Variants in LNPK observed in about 807,000 individuals in gnomAD.
The protein encoded by LNPK is lunapark, ER junction formation factor.
In LNPK, 29 loss-of-function variants were observed where a neutral mutation model predicts 55.2. The observed-to-expected ratio is 0.53, with a 90% CI of 0.39 to 0.72. The LOEUF is 0.72. LNPK is among the 30% of genes least tolerant of loss of function. The pLI is 0.00. For missense variants in LNPK, 467 were observed against 494.8 expected, an observed-to-expected ratio of 0.94 and a Z score of 0.53; for synonymous variants, 162 against 168.2, an observed-to-expected ratio of 0.96 and a Z score of 0.29.
intron 9 of LNPK, among the ~76,000 whole-genome samples, chr2:175,945,666 T>G (rs1198697357): frequency 6.6e-6 from 1 of 152,184 alleles, no homozygotes; most frequent in Admixed American, 6.5e-5. Context: ...CAAATTAGAT[T>G]TGGAAAGCAT....
intron 4 of LNPK, among the ~76,000 whole-genome samples, chr2:175,989,039 T>C (rs1687570661): frequency 6.6e-6 from 1 of 152,190 alleles, no homozygotes; most frequent in African/African-American, 2.4e-5. Context: ...CCTCCCAAAG[T>C]GCTGGGATTA....
chr2:176,002,408 G>A (rs1444859353), upstream of LNPK: 1 of 342,300 alleles, frequency 2.9e-6, no homozygotes, highest in Non-Finnish European at 5.7e-6. Context: ...GGGAGGTTAG[G>A]ATCTTGTGTT....
chr2:175,969,807 T>C (rs949609954), intron 6 of LNPK, among the ~76,000 whole-genome samples: 1 of 152,212 alleles, frequency 6.6e-6, no homozygotes, highest in African/African-American at 2.4e-5. Context: ...TTTTGATAAA[T>C]ACCTCACAGG....
At chr2:175,945,773 A>T (rs1196715341) in intron 9 of LNPK, among the ~76,000 whole-genome samples, 1 of 152,212 alleles carries the variant, frequency 6.6e-6, no homozygotes, top group Non-Finnish European at 1.5e-5. Context: ...TAGATTTCAT[A>T]AAAATATCTT....
intron 9 of LNPK, among the ~76,000 whole-genome samples, 153 bp downstream of exon 9, chr2:175,947,327 T>C (rs940868008): frequency 3.3e-5 from 5 of 152,210 alleles, no homozygotes; most frequent in Admixed American, 6.5e-5. Flanking sequence ...TAAAGAGTTA[T>C]GGCTAATTGA....
intron 11 of LNPK, 56 bp downstream of exon 11, chr2:175,938,257 T>C (rs1188983042): frequency 2.8e-6 from 3 of 1,073,166 alleles, no homozygotes; most frequent in Admixed American, 3.8e-5. Context: ...GAAAATGGCA[T>C]AGAATAAAAT....
chr2:175,996,304 C>T (rs1030418791), intron 1 of LNPK, among the ~76,000 whole-genome samples: 6 of 152,124 alleles, frequency 3.9e-5, no homozygotes, highest in African/African-American at 1.4e-4. Context: ...TCATACTATA[C>T]ACTTAAATAA....
chr2:175,969,062 A>T (rs774395641), intron 6 of LNPK, among the ~76,000 whole-genome samples: 1 of 152,152 alleles, frequency 6.6e-6, no homozygotes, highest in Non-Finnish European at 1.5e-5. Flanking sequence ...CTACTCAAAC[A>T]AAGCAGCTCT....
chr2:175,932,264 T>A (rs1684313269), intron 12 of LNPK: 1 of 435,722 alleles, frequency 2.3e-6, no homozygotes, highest in Non-Finnish European at 4.6e-6. Context: ...CGATTTAATG[T>A]ACAAATTCTG....
At position 175,992,421 on chromosome 2, in the gene LNPK, G is replaced by A. The variant is rs1687747345; in HGVS notation, c.70-3C>T. On this transcript the variant is annotated splice_polypyrimidine_tract_variant and splice_region_variant and intron_variant, in intron 3 of 12. Coordinates refer to ENST00000272748, the MANE Select transcript of LNPK (RefSeq NM_030650.3). ...AATTCTTCCAATGCTTGAATTTCCT[G>A]TTAAGAGAAAATTATTCCATGTTAG... 6.8e-7 allele frequency: 1 copy of A among 1,472,450 alleles called. No individual in the cohort carries two copies. 91.2% of individuals were successfully genotyped at this position (1,472,450 alleles called of 1,614,324 possible). A position where few individuals can be genotyped will look rare whatever the true frequency, so the allele number is the denominator to read the frequency against.
At position 175,937,478 on chromosome 2, in the gene LNPK, G is replaced by T. The variant is rs1425307965; in HGVS notation, c.920C>A (p.Ala307Glu). Reference sequence around the variant, plus strand: ...TGGAGCCTGAGGTCTGGTTTTTCTTGCAGGGTTCAAGAAAAAACAGTAGGC... The same window carrying T: ...TGGAGCCTGAGGTCTGGTTTTTCTTTCAGGGTTCAAGAAAAAACAGTAGGC... ...RCAYCFFLNP[A>E]RKTRPQAPRL... Residue 307 changes from alanine (A) to glutamate (E), a missense_variant, in exon 12 of 13, where the codon GCA becomes GAA. Ala to Glu is a moderately radical substitution (Grantham distance 107). Coordinates refer to ENST00000272748, the MANE Select transcript of LNPK (RefSeq NM_030650.3). 6.2e-7 allele frequency: 1 copy of T among 1,613,312 alleles called. No homozygotes were observed. The highest frequency in any genetic ancestry group is 8.5e-7 in the Non-Finnish European group (1 of 1,179,558).
intron 1 of LNPK, among the ~76,000 whole-genome samples, chr2:176,000,070 T>C (rs1046265100): frequency 3.3e-5 from 5 of 152,170 alleles, no homozygotes; most frequent in African/African-American, 4.8e-5. Flanking sequence ...CCGACCTAAA[T>C]GTGCTTTTCA....
intron 5 of LNPK, among the ~76,000 whole-genome samples, chr2:175,978,570 A>G (rs1687018446): frequency 6.6e-6 from 1 of 152,156 alleles, no homozygotes; most frequent in Non-Finnish European, 1.5e-5. Context: ...TTGAGGAGAA[A>G]TACAGTAACA....
At chr2:175,970,370 C>T in intron 6 of LNPK, among the ~76,000 whole-genome samples, 1 of 152,154 alleles carries the variant, frequency 6.6e-6, no homozygotes, top group East Asian at 1.9e-4. Flanking sequence ...CTCTTACAAC[C>T]GATCTTCTTG....
At chr2:175,988,996 C>T (rs901941386) in intron 4 of LNPK, among the ~76,000 whole-genome samples, 3 of 152,076 alleles carry the variant, frequency 2.0e-5, no homozygotes, top group Non-Finnish European at 2.9e-5. Flanking sequence ...AGGATGGTCC[C>T]GATCTCCTGA....
At chr2:175,987,360 C>T (rs1361078675) in intron 4 of LNPK, among the ~76,000 whole-genome samples, 1 of 152,184 alleles carries the variant, frequency 6.6e-6, no homozygotes, top group Non-Finnish European at 1.5e-5. Context: ...ATGATGAGTT[C>T]ATGTCCTTTG....
chr2:175,988,216 G>A (rs143698420), intron 4 of LNPK, among the ~76,000 whole-genome samples: 15 of 151,834 alleles, frequency 9.9e-5, no homozygotes, highest in Non-Finnish European at 2.1e-4. Context: ...TAAATCTAAC[G>A]ATGAGCTGGG....
chr2:175,960,782 G>T (rs749834886), intron 8 of LNPK, among the ~76,000 whole-genome samples: 2 of 152,012 alleles, frequency 1.3e-5, no homozygotes, highest in Non-Finnish European at 2.9e-5. Flanking sequence ...GCTGGTTTTT[G>T]AAAAGACCAG....
Position 175,929,134 on chromosome 2 carries a change from T to C in LNPK, c.*833A>G, listed in dbSNP as rs1412196776. 1 of 984,360 alleles carries C rather than the reference T, an allele frequency of 1.0e-6. No homozygotes were observed. The highest frequency in any genetic ancestry group is 1.7e-5 in the African/African-American group (1 of 57,202). The allele number at this position is 984,360 out of a possible 1,614,324, so 61.0% of individuals were successfully genotyped here. ...CAAAATGAAACTGATGCCAGATTAT[T>C]TTCATTTTCCTTAATAAAATACAAA... On this transcript the variant is annotated 3_prime_UTR_variant, in exon 13 of 13. Transcript: ENST00000272748.
Sources: allele counts gnomAD v4.1 joint callset (sites outside exome capture counted in the v4.1 genomes callset), GRCh38; gene constraint gnomAD v4.1.1; transcripts MANE v1.5; gene names NCBI Gene and HGNC (gene_info 2026-07-23, HGNC 2026-07-21).